ZAN: variants seen among roughly 807,000 people sequenced by gnomAD.
The protein encoded by ZAN is zonadhesin, also known as zonadhesin (gene/pseudogene).
Under a neutral mutation model 286.2 loss-of-function variants are expected in ZAN, and 260 were observed. The observed-to-expected ratio is 0.91, with a 90% CI of 0.82 to 1.01. The LOEUF is 1.01. ZAN is among the 50% of genes least tolerant of loss of function. The pLI is 0.00. For synonymous variants in ZAN, 1,368 were observed against 1,417.5 expected (o/e 0.97, Z 0.79); for missense variants, 3,410 against 3,639.2 (o/e 0.94, Z 1.62).
At chr7:100,765,178 T>C (rs1809868190) in intron 22 of ZAN, among the ~76,000 whole-genome samples, 174 bp from the exon 23 acceptor site, 1 of 152,214 alleles carries the variant, frequency 6.6e-6, no homozygotes, top group Admixed American at 6.5e-5. Context: ...GTGCTGGCCC[T>C]GCAGCCCCAG....
At chr7:100,761,569 G>C (rs1477548548) in intron 19 of ZAN, among the ~76,000 whole-genome samples, 1 of 152,140 alleles carries the variant, frequency 6.6e-6, no homozygotes, top group African/African-American at 2.4e-5. Flanking sequence ...AGGAGTTGGA[G>C]GCTGCAGTGA....
Position 100,739,157 on chromosome 7 carries a change from G to A in ZAN, c.766+544G>A, listed in dbSNP as rs1269414221. ...CTCCCAAGTAGCTGAGACTGCAGGCGTGCACCACCATGCCCGGCTAATTTT... is the reference window on the plus strand; with the variant it reads ...CTCCCAAGTAGCTGAGACTGCAGGCATGCACCACCATGCCCGGCTAATTTT... On this transcript the variant is annotated intron_variant, in intron 7 of 47. Coordinates refer to ENST00000613979, the MANE Select transcript of ZAN (RefSeq NM_003386.3). Among the ~76,000 whole-genome samples, 12 of 134,686 alleles carry A rather than the reference G, an allele frequency of 8.9e-5. 1 individual carries two copies. The highest frequency in any genetic ancestry group is 3.7e-4 in the Admixed American group (5 of 13,342). The allele number at this position is 134,686 out of a possible 152,430, so 88.4% of individuals were successfully genotyped here.
intron 45 of ZAN, 146 bp from the exon 46 acceptor site, chr7:100,797,220 C>T (rs2116374349): frequency 2.7e-6 from 2 of 735,070 alleles, no homozygotes; most frequent in East Asian, 5.4e-5. Flanking sequence ...AGGTGAGAAC[C>T]TCCTGGAGGA....
At chr7:100,767,298 G>A in intron 25 of ZAN, 41 bp downstream of exon 25, 1 of 1,577,916 alleles carries the variant, frequency 6.3e-7, no homozygotes, top group East Asian at 2.2e-5. Context: ...TGAACACCCA[G>A]CCTGCTTGCT....
At chr7:100,767,510 C>G (rs941461128) in intron 25 of ZAN, among the ~76,000 whole-genome samples, 1 of 121,024 alleles carries the variant, frequency 8.3e-6, no homozygotes, top group Non-Finnish European at 1.6e-5. Flanking sequence ...GGGTCTTGCT[C>G]TATCACCCAG....
intron 24 of ZAN, 62 bp from the exon 25 acceptor site, chr7:100,766,948 C>T (rs1362827772): frequency 1.3e-6 from 2 of 1,595,626 alleles, no homozygotes; most frequent in Non-Finnish European, 1.7e-6. Context: ...GATGGCAGCT[C>T]TGAGTCAAAG....
Position 100,766,618 on chromosome 7 carries a change from C to T in ZAN, c.4564C>T (p.Gln1522Ter), listed in dbSNP as rs771664681. 2 of 1,560,354 alleles carry T rather than the reference C, an allele frequency of 1.3e-6. No individual in the cohort carries two copies. The highest frequency in any genetic ancestry group is 1.9e-5 in the Admixed American group (1 of 51,720). Residue 1522 changes from glutamine (Q) to a stop codon, truncating the protein, a stop_gained, in exon 24 of 48, where the codon CAG (glutamine) becomes TAG (stop). Transcript: ENST00000613979. LOFTEE classifies it high-confidence loss of function. ...CTGCCAGCCCTGGAGGTGTAGGGCC[C>T]AGGAGTTCTGTGGCCAACAGGATGG... ...IRCQPWRCRA[Q>*]EFCGQQDGIY...
intron 31 of ZAN, among the ~76,000 whole-genome samples, chr7:100,774,845 A>T (rs1389530345): frequency 1.4e-5 from 2 of 146,664 alleles, no homozygotes; most frequent in African/African-American, 4.9e-5. Flanking sequence ...AAAAAAAAAA[A>T]TCCTTCCTCC....
intron 13 of ZAN, 111 bp downstream of exon 13, chr7:100,751,377 C>A: frequency 1.3e-6 from 1 of 775,582 alleles, no homozygotes; most frequent in Non-Finnish European, 1.9e-6. Context: ...AATTCTCACC[C>A]AGCTGGCTTT....
chr7:100,790,523 C>T (rs142762745), intron 39 of ZAN, among the ~76,000 whole-genome samples: 1 of 147,260 alleles, frequency 6.8e-6, no homozygotes, highest in African/African-American at 2.5e-5. Context: ...GATCACACCG[C>T]TGCACTCCAG....
intron 23 of ZAN, among the ~76,000 whole-genome samples, chr7:100,765,800 C>A (rs936214824): frequency 6.7e-6 from 1 of 148,760 alleles, no homozygotes; most frequent in Non-Finnish European, 1.5e-5. Flanking sequence ...AGGCATGCAC[C>A]ACCATGCCCA....
intron 35 of ZAN, 127 bp downstream of exon 35, chr7:100,779,877 A>T (rs1811089119): frequency 1.9e-6 from 2 of 1,069,898 alleles, no homozygotes; most frequent in Admixed American, 6.4e-5. Context: ...TTTCTTTGAC[A>T]AGGACTATTT....
chr7:100,783,666 A>G (rs1811333333), intron 35 of ZAN, among the ~76,000 whole-genome samples: 1 of 135,480 alleles, frequency 7.4e-6, no homozygotes, highest in Non-Finnish European at 1.5e-5. Context: ...CCAGGGAGGC[A>G]GAGGCTGCAG....
Position 100,751,962 on chromosome 7 carries a change from C to T in ZAN, c.1857C>T (p.Pro619=). 4 of 1,612,886 alleles carry T rather than the reference C, an allele frequency of 2.5e-6. No homozygotes were observed. The highest frequency in any genetic ancestry group is 3.4e-6 in the Non-Finnish European group (4 of 1,179,560). ...AACCCAACATGCCCTCAGAAAAACC[C>T]ACCATTCCCTCAGAAAAACCCACCA... The part of the protein sequence containing the change: ...SEKPNMPSEK[P]TIPSEKPTIL... Residue 619 remains proline (P), a synonymous_variant, in exon 14 of 48, where the codon CCC becomes CCT. Coordinates refer to ENST00000613979, the MANE Select transcript of ZAN (RefSeq NM_003386.3).
At position 100,783,815 on chromosome 7, in the gene ZAN, T is replaced by TAC. The variant is rs1554409832; in HGVS notation, c.6623-806_6623-805dup. ...ATATATATATACACACATATATATA[T>TAC]ACATATATATATATGTATATTTTAT... On this transcript the variant is annotated intron_variant, in intron 35 of 47. Transcript: ENST00000613979. Among the ~76,000 whole-genome samples the TAC allele has an allele frequency of 1.9e-3, 86 of 44,236 alleles. 2 individuals are homozygous for TAC. Among genetic ancestry groups the TAC allele is most frequent in the African/African-American group, 4.4e-3 (75 of 17,092 alleles). The allele number at this position is 44,236 out of a possible 152,430, so 29.0% of individuals were successfully genotyped here. A position where few individuals can be genotyped will look rare whatever the true frequency, so the allele number is the denominator to read the frequency against.
chr7:100,762,420 T>C lies in ZAN; in HGVS notation c.3986+62T>C, dbSNP rs551444452. ...GTTCCGTCCCCTTCCTGGAACTCTC[T>C]TTTTTTTTTTTTTTTTTTTTTTTGA... On this transcript the variant is annotated intron_variant, in intron 20 of 47. Coordinates refer to ENST00000613979, the MANE Select transcript of ZAN (RefSeq NM_003386.3). The C allele has an allele frequency of 3.7e-3, 801 of 216,250 alleles. 1 individual carries two copies. In the African/African-American group the frequency reaches 0.044, roughly 12 times the overall value. The allele number at this position is 216,250 out of a possible 1,614,324, so 13.4% of individuals were successfully genotyped here. A position where few individuals can be genotyped will look rare whatever the true frequency, so the allele number is the denominator to read the frequency against.
rs777128030 is a variant in ZAN, at chr7:100,779,568, C to A, written c.6440C>A (p.Ala2147Asp). The change falls in exon 35 of 48, where the codon GCT becomes GAT. Residue 2147 changes from alanine to aspartate, a missense_variant. Ala to Asp is a moderately radical substitution (Grantham distance 126). Transcript: ENST00000613979. ...GAAAAGTGCGAGGCAGCGCTCCGGGCTCCTGTGTGGGCCCAGTGCGCCTCC... is the reference window on the plus strand; with the variant it reads ...GAAAAGTGCGAGGCAGCGCTCCGGGATCCTGTGTGGGCCCAGTGCGCCTCC... The part of the protein sequence containing the change: ...AREKCEAALR[A>D]PVWAQCASRI... 5 of 1,610,512 alleles carry A rather than the reference C, an allele frequency of 3.1e-6. No homozygotes were observed. Among genetic ancestry groups the A allele is most frequent in the Non-Finnish European group, 4.2e-6 (5 of 1,178,614 alleles).
intron 14 of ZAN, 89 bp downstream of exon 14, chr7:100,753,318 C>A (rs953970279): frequency 1.4e-6 from 2 of 1,399,004 alleles, no homozygotes; most frequent in South Asian, 1.5e-5. Flanking sequence ...CTGGTAGAAG[C>A]CTTCTAGTTG....
chr7:100,762,419 C>CCT, intron 20 of ZAN, 61 bp downstream of exon 20: 1 of 1,016,816 alleles, frequency 9.8e-7, no homozygotes. Context: ...CTGGAACTCT[C>CCT]TTTTTTTTTT....
Sources: allele counts gnomAD v4.1 joint callset (sites outside exome capture counted in the v4.1 genomes callset), GRCh38; gene constraint gnomAD v4.1.1; transcripts MANE v1.5; gene names NCBI Gene and HGNC (gene_info 2026-07-23, HGNC 2026-07-21).